The following NDC1 variants were observed in gnomAD, a reference collection of about 807,000 sequenced individuals.
NDC1 encodes the protein NDC1 transmembrane nucleoporin.
NDC1 carries 24 observed loss-of-function variants against 89.8 expected under a neutral mutation model. The observed-to-expected ratio is 0.27, with a 90% CI of 0.19 to 0.38. NDC1 has a LOEUF of 0.38. Ranked by LOEUF, NDC1 falls within the 10% of genes least tolerant of loss-of-function variation. The probability of loss-of-function intolerance (pLI) is 1.00; values close to 1 mark genes in which losing one functional copy is unlikely to be tolerated. For missense variants in NDC1, 728 were observed against 797.6 expected, an observed-to-expected ratio of 0.91 and a Z score of 1.05; for synonymous variants, 296 against 284.8, an observed-to-expected ratio of 1.04 and a Z score of -0.39.
intron 5 of NDC1, among the ~76,000 whole-genome samples, chr1:53,822,077 A>C (rs531860110): frequency 1.3e-5 from 2 of 152,258 alleles, no homozygotes; most frequent in African/African-American, 4.8e-5. Flanking sequence ...TAAAGGCAAT[A>C]GAACTGGTTT....
At chr1:53,826,172 AT>A (rs1450617785) in intron 4 of NDC1, among the ~76,000 whole-genome samples, 4 of 152,244 alleles carry the variant, frequency 2.6e-5, no homozygotes, top group Non-Finnish European at 5.9e-5. Context: ...GAAATCTGAC[AT>A]GATTAAGTAT....
At position 53,791,467 on chromosome 1, in the gene NDC1, A is replaced by G. The variant is rs375833302; in HGVS notation, c.1635+1762T>C. ...AAAAAAAAAAAGATTATGATGTCCA[A>G]TTCTATCCATGTTGCTGTAAATGAC... On this transcript the variant is annotated intron_variant, in intron 14 of 17. Coordinates refer to ENST00000371429, the MANE Select transcript of NDC1 (RefSeq NM_018087.5). 3.9e-5 allele frequency among the ~76,000 whole-genome samples: 6 copies of G among 152,140 alleles called. No homozygotes were observed. The East Asian group carries it at 1.2e-3, about 29-fold the overall frequency.
At chr1:53,771,792 G>A (rs536292876) in intron 17 of NDC1, among the ~76,000 whole-genome samples, 1 of 152,134 alleles carries the variant, frequency 6.6e-6, no homozygotes, top group Non-Finnish European at 1.5e-5. Context: ...CATTTCACAA[G>A]AGGAAAGCAG....
chr1:53,832,470 G>A lies in NDC1; in HGVS notation c.280+20C>T. 8.2e-7 allele frequency: 1 copy of A among 1,221,406 alleles called. No individual in the cohort carries two copies. The highest frequency in any genetic ancestry group is 1.5e-5 in the African/African-American group (1 of 66,598). 75.7% of individuals were successfully genotyped at this position (1,221,406 alleles called of 1,614,324 possible). On this transcript the variant is annotated intron_variant, in intron 3 of 17. Coordinates refer to ENST00000371429, the MANE Select transcript of NDC1 (RefSeq NM_018087.5). ...AATAAATTCGCATATTTCTAAGAAGGTTAACATTTGAAAACTCACCTGCAT... is the reference window on the plus strand; with the variant it reads ...AATAAATTCGCATATTTCTAAGAAGATTAACATTTGAAAACTCACCTGCAT...
chr1:53,807,670 T>G lies in NDC1; in HGVS notation c.877A>C (p.Ile293Leu). 6.2e-7 allele frequency: 1 copy of G among 1,607,412 alleles called. No individual in the cohort carries two copies. The highest frequency in any genetic ancestry group is 1.1e-5 in the South Asian group (1 of 89,280). Residue 293 changes from isoleucine (I) to leucine (L), a missense_variant, in exon 8 of 18, where the codon ATC becomes CTC. Transcript: ENST00000371429. Reference protein sequence around the residue: ...TWYVSWILFKIYATEAHVFPV... With the variant: ...TWYVSWILFKLYATEAHVFPV... Reference sequence around the variant, plus strand: ...AAAAAACATACCTCTGTGGCATAGATTTTGAAGAGTATCCATGAGACATAC... The same window carrying G: ...AAAAAACATACCTCTGTGGCATAGAGTTTGAAGAGTATCCATGAGACATAC...
chr1:53,776,633 GTC>G (rs1293473931), intron 16 of NDC1, among the ~76,000 whole-genome samples: 2 of 152,064 alleles, frequency 1.3e-5, no homozygotes, highest in Non-Finnish European at 2.9e-5. Context: ...GCTGCTATCT[GTC>G]TCTCTGCATT....
rs1041664147 is a variant in NDC1, at chr1:53,827,896, A to G, written c.455+103T>C. The G allele has an allele frequency of 1.4e-5, 12 of 839,202 alleles. No homozygotes were observed. In the Admixed American group the frequency reaches 3.3e-4, roughly 23 times the overall value. The allele number at this position is 839,202 out of a possible 1,614,324, so 52.0% of individuals were successfully genotyped here. A position where few individuals can be genotyped will look rare whatever the true frequency, so the allele number is the denominator to read the frequency against. On this transcript the variant is annotated intron_variant, in intron 4 of 17. Coordinates refer to ENST00000371429, the MANE Select transcript of NDC1 (RefSeq NM_018087.5). The stretch of plus-strand genomic sequence containing the variant: ...GATATATGCAAAAAGCACCTTTTGC[A>G]GAAGTCTGGAAAGCAAAGAATACTC...
intron 9 of NDC1, among the ~76,000 whole-genome samples, chr1:53,804,379 C>T (rs947713601): frequency 2.0e-5 from 3 of 152,224 alleles, no homozygotes; most frequent in African/African-American, 7.2e-5. Flanking sequence ...TTACTTGTCC[C>T]ATCTGATTCC....
intron 10 of NDC1, among the ~76,000 whole-genome samples, chr1:53,801,216 T>TG (rs1200419852): frequency 6.6e-6 from 1 of 152,114 alleles, no homozygotes; most frequent in African/African-American, 2.4e-5. Flanking sequence ...GCTATGACTG[T>TG]GAACAATGAA....
chr1:53,833,055 T>C (rs934080275), intron 2 of NDC1, among the ~76,000 whole-genome samples: 1 of 152,180 alleles, frequency 6.6e-6, no homozygotes, highest in Non-Finnish European at 1.5e-5. Flanking sequence ...GTGTGAGTTA[T>C]TCGTACCTGG....
intron 9 of NDC1, among the ~76,000 whole-genome samples, chr1:53,805,786 T>TC (rs1226178516): frequency 6.6e-6 from 1 of 152,120 alleles, no homozygotes; most frequent in East Asian, 1.9e-4. Context: ...AAAAAATCAA[T>TC]AATATTGGCC....
intron 16 of NDC1, among the ~76,000 whole-genome samples, chr1:53,782,837 TATC>T (rs1282444801): frequency 6.6e-6 from 1 of 152,240 alleles, no homozygotes; most frequent in Non-Finnish European, 1.5e-5. Context: ...TATCTTGAAA[TATC>T]ATTCATCTTA....
At chr1:53,830,504 T>A (rs1649021618) in intron 3 of NDC1, among the ~76,000 whole-genome samples, 1 of 152,012 alleles carries the variant, frequency 6.6e-6, no homozygotes, top group Admixed American at 6.5e-5. Flanking sequence ...TATTGTAACA[T>A]CCAAAGTCAG....
intron 6 of NDC1, among the ~76,000 whole-genome samples, chr1:53,812,386 T>C (rs1212802619): frequency 6.6e-6 from 1 of 152,060 alleles, no homozygotes; most frequent in Non-Finnish European, 1.5e-5. Flanking sequence ...AAGGGAGAAA[T>C]ATTCATAGAA....
chr1:53,776,121 ATTTATTGCTAT>A (rs1647160836), intron 16 of NDC1, among the ~76,000 whole-genome samples: 1 of 151,856 alleles, frequency 6.6e-6, no homozygotes. Flanking sequence ...TGCCCAGCTA[ATTTATTGCTAT>A]TTTTAGTAGA....
Position 53,796,884 on chromosome 1 carries a change from A to G in NDC1, c.1468+15T>C. On this transcript the variant is annotated intron_variant, in intron 12 of 17. Transcript: ENST00000371429. ...AACATGACATTTAAAATCTTAAAAA[A>G]TATATAATTCTCACCAGAAGCTGAT... is the stretch of plus-strand genomic sequence containing the variant. 1.2e-6 allele frequency: 2 copies of G among 1,609,674 alleles called. No individual in the cohort carries two copies. The highest frequency in any genetic ancestry group is 1.7e-6 in the Non-Finnish European group (2 of 1,178,700).
At chr1:53,772,586 G>A (rs1448805023) in intron 16 of NDC1, 97 bp from the exon 17 acceptor site, 1 of 1,138,544 alleles carries the variant, frequency 8.8e-7, no homozygotes, top group East Asian at 2.4e-5. Context: ...CACTTTGGAA[G>A]GACGAGGCGG....
intron 6 of NDC1, among the ~76,000 whole-genome samples, chr1:53,811,735 C>T (rs932673749): frequency 5.9e-5 from 9 of 151,786 alleles, no homozygotes; most frequent in African/African-American, 2.2e-4. Flanking sequence ...CACTGCCAGT[C>T]CCTCTCCACA....
Position 53,767,583 on chromosome 1 carries a change from TAAG to T in NDC1, c.*384_*386del, listed in dbSNP as rs754513690. 47 of 156,748 alleles carry T rather than the reference TAAG, an allele frequency of 3.0e-4. No homozygotes were observed. Among genetic ancestry groups the T allele is most frequent in the Non-Finnish European group, 5.2e-4 (37 of 71,136 alleles). The allele number at this position is 156,748 out of a possible 1,614,324, so 9.7% of individuals were successfully genotyped here. A position where few individuals can be genotyped will look rare whatever the true frequency, so the allele number is the denominator to read the frequency against. On this transcript the variant is annotated 3_prime_UTR_variant, in exon 18 of 18. Transcript: ENST00000371429. ...GTTTACAAAGAGCTAAACTCTTAATTAAGAAGACTATGAAATCAACCTATACTC... is the reference window on the plus strand; with the variant it reads ...GTTTACAAAGAGCTAAACTCTTAATTAAGACTATGAAATCAACCTATACTC...
Sources: allele counts gnomAD v4.1 joint callset (sites outside exome capture counted in the v4.1 genomes callset), GRCh38; gene constraint gnomAD v4.1.1; transcripts MANE v1.5; gene names NCBI Gene and HGNC (gene_info 2026-07-23, HGNC 2026-07-21).